Variants in ATP8A2 observed in about 807,000 individuals in gnomAD.
ATP8A2 encodes ATPase phospholipid transporting 8A2, also known as phospholipid-transporting ATPase IB.
In ATP8A2, 100 loss-of-function variants were observed where a neutral mutation model predicts 165.6. The ratio of observed to expected loss-of-function variants is 0.60; its 90% confidence interval spans 0.51 to 0.71. The LOEUF (loss-of-function observed/expected upper bound fraction) is 0.71, where lower values mean the gene tolerates loss of function less well. Among genes scored for constraint, ATP8A2 ranks in the 30% least tolerant of loss-of-function variants. The pLI is 0.00. For missense variants in ATP8A2, 1,227 were observed against 1,479.5 expected (o/e 0.83, Z 2.80); for synonymous variants, 543 against 548.8 (o/e 0.99, Z 0.15).
chr13:25,891,651 C>T (rs748004123), intron 33 of ATP8A2, among the ~76,000 whole-genome samples: 2 of 152,064 alleles, frequency 1.3e-5, no homozygotes, highest in Admixed American at 6.6e-5. Flanking sequence ...TCCCTGCCTT[C>T]ATCCCTATTA....
intron 30 of ATP8A2, among the ~76,000 whole-genome samples, chr13:25,855,841 C>A (rs1952149070): frequency 6.6e-6 from 1 of 152,154 alleles, no homozygotes; most frequent in South Asian, 2.1e-4. Context: ...TGTAGGCACC[C>A]CGGTGGGTGT....
At chr13:25,985,298 C>T (rs551027928) in intron 35 of ATP8A2, among the ~76,000 whole-genome samples, 34 of 152,314 alleles carry the variant, frequency 2.2e-4, no homozygotes, top group African/African-American at 7.7e-4. Context: ...ATCTCAAGGT[C>T]AGAAGGCCAA....
chr13:25,382,892 A>T (rs572549593), intron 1 of ATP8A2, among the ~76,000 whole-genome samples: 1 of 150,952 alleles, frequency 6.6e-6, no homozygotes, highest in African/African-American at 2.4e-5. Flanking sequence ...AGTAGCTGGG[A>T]CTACAGGTGC....
chr13:25,952,841 A>C (rs1242750177), intron 33 of ATP8A2, among the ~76,000 whole-genome samples: 2 of 152,222 alleles, frequency 1.3e-5, no homozygotes, highest in South Asian at 4.1e-4. Context: ...CACCCTGAGC[A>C]AATAGGTTTG....
In ATP8A2 at chr13:25,834,870, T is replaced by G. The variant is rs929757297; in HGVS notation, c.2755-2293T>G. ...AAATTGAGACAGGGTCTTGGTGTGT[T>G]GCACAAGCTGGTCTCGAACTCCTGT... On this transcript the variant is annotated intron_variant, in intron 28 of 36. Transcript: ENST00000381655. Among the ~76,000 whole-genome samples the G allele has an allele frequency of 5.3e-5, 8 of 152,264 alleles. No homozygotes were observed. The East Asian group carries it at 1.5e-3, about 29-fold the overall frequency.
intron 2 of ATP8A2, among the ~76,000 whole-genome samples, chr13:25,486,890 T>C (rs1441545068): frequency 2.0e-5 from 3 of 152,246 alleles, no homozygotes; most frequent in African/African-American, 7.2e-5. Context: ...CGCTTGAGCC[T>C]GGGGGGTGGA....
Position 25,526,107 on chromosome 13 carries a change from C to T in ATP8A2, c.222-3892C>T, listed in dbSNP as rs550936188. ...ACAGCCTCTAATGAGTTTTTCAGTT[C>T]CTCAAATACATTTCTCAGTTTGAAG... On this transcript the variant is annotated intron_variant, in intron 2 of 36. Transcript: ENST00000381655. Among the ~76,000 whole-genome samples, 10 of 152,022 alleles carry T rather than the reference C, an allele frequency of 6.6e-5. No homozygotes were observed. The South Asian group carries it at 1.7e-3, about 25-fold the overall frequency.
intron 2 of ATP8A2, among the ~76,000 whole-genome samples, chr13:25,513,707 C>T (rs1305435609): frequency 1.3e-5 from 2 of 152,196 alleles, no homozygotes; most frequent in Non-Finnish European, 2.9e-5. Flanking sequence ...GCAATCCCGG[C>T]ACCTCGGGAG....
At chr13:25,654,328 C>G (rs2137648300) in intron 24 of ATP8A2, among the ~76,000 whole-genome samples, 2 of 152,258 alleles carry the variant, frequency 1.3e-5, no homozygotes, top group Middle Eastern at 3.4e-3. Context: ...ACCTCAGCCT[C>G]CCGAGTGGCT....
intron 25 of ATP8A2, among the ~76,000 whole-genome samples, chr13:25,756,729 G>T (rs140262958): frequency 1.3e-5 from 2 of 152,326 alleles, no homozygotes; most frequent in East Asian, 1.9e-4. Context: ...CAGCCAATGC[G>T]TGGAAAGCAC....
intron 32 of ATP8A2, 143 bp downstream of exon 32, chr13:25,861,003 A>G: frequency 1.5e-6 from 1 of 657,508 alleles, no homozygotes; most frequent in Non-Finnish European, 2.7e-6. Flanking sequence ...TTTGATCTTG[A>G]TCAGGGTAAA....
At chr13:25,929,682 A>G (rs1433929029) in intron 33 of ATP8A2, among the ~76,000 whole-genome samples, 1 of 151,924 alleles carries the variant, frequency 6.6e-6, no homozygotes, top group Non-Finnish European at 1.5e-5. Flanking sequence ...ACACAGTGAG[A>G]CCTCGTCTCT....
At chr13:25,392,922 A>AAG (rs1566100115) in intron 1 of ATP8A2, among the ~76,000 whole-genome samples, 1 of 149,188 alleles carries the variant, frequency 6.7e-6, no homozygotes, top group Non-Finnish European at 1.5e-5. Flanking sequence ...CAAAAAAAAA[A>AAG]CAAAAAAGAA....
chr13:25,470,081 G>A (rs1342752900), intron 2 of ATP8A2, among the ~76,000 whole-genome samples: 1 of 152,158 alleles, frequency 6.6e-6, no homozygotes. Context: ...CAAAAACTTT[G>A]TTGTTATATG....
In ATP8A2 at chr13:25,772,879, C is replaced by T. The variant is rs185396095; in HGVS notation, c.2569-1970C>T. Among the ~76,000 whole-genome samples the T allele has an allele frequency of 6.2e-4, 94 of 152,178 alleles. 1 individual carries two copies. Among genetic ancestry groups the T allele is most frequent in the African/African-American group, 2.1e-3 (89 of 41,534 alleles). ...GGTTCAAGTGATTGTCCTGCCTCAG[C>T]CTCCTGAGTAGCTGGGATTACAGGC... On this transcript the variant is annotated intron_variant, in intron 26 of 36. Transcript: ENST00000381655.
Position 25,769,241 on chromosome 13 carries a change from G to A in ATP8A2, c.2568+12G>A. 1 of 1,600,852 alleles carries A rather than the reference G, an allele frequency of 6.2e-7. No homozygotes were observed. The highest frequency in any genetic ancestry group is 8.5e-7 in the Non-Finnish European group (1 of 1,170,420). ...ACGCCATCGCACAGGTCAGCAGCTT[G>A]GGCGTCCAGCTGCCCTGTCCTGTTG... On this transcript the variant is annotated intron_variant, in intron 26 of 36. Transcript: ENST00000381655.
At chr13:25,930,179 C>G (rs1231706964) in intron 33 of ATP8A2, among the ~76,000 whole-genome samples, 1 of 152,120 alleles carries the variant, frequency 6.6e-6, no homozygotes, top group African/African-American at 2.4e-5. Context: ...CGCTGACACT[C>G]TCCCCTCACT....
chr13:25,942,658 G>A (rs184937484), intron 33 of ATP8A2, among the ~76,000 whole-genome samples: 7 of 152,246 alleles, frequency 4.6e-5, no homozygotes, highest in South Asian at 2.1e-4. Context: ...CCCTGTCCTC[G>A]GGTGATCCAC....
At chr13:25,960,993 C>G (rs1955647355) in intron 33 of ATP8A2, among the ~76,000 whole-genome samples, 1 of 152,152 alleles carries the variant, frequency 6.6e-6, no homozygotes, top group African/African-American at 2.4e-5. Context: ...AGAAGTCTTC[C>G]CAGAAACCCC....
Sources: gnomAD v4.1 joint callset for allele counts (sites outside exome capture counted in the v4.1 genomes callset) on GRCh38, gnomAD v4.1.1 for gene constraint, MANE v1.5 for transcripts, NCBI Gene and HGNC (gene_info 2026-07-23, HGNC 2026-07-21) for gene names.